CCDC68: variants seen among roughly 807,000 people sequenced by gnomAD.
CCDC68 encodes the protein coiled-coil domain-containing protein 68.
CCDC68 carries 45 observed loss-of-function variants against 47.1 expected under a neutral mutation model. The observed-to-expected ratio is 0.96, with a 90% CI of 0.75 to 1.23. CCDC68 has a LOEUF of 1.23. Ranked by LOEUF, CCDC68 falls within the 50% of genes most tolerant of loss-of-function variation. The pLI, the probability that CCDC68 is intolerant of heterozygous loss-of-function variation, is 0.00. For missense variants in CCDC68, 353 were observed against 373.6 expected (o/e 0.94, Z 0.45); for synonymous variants, 131 against 129.5 (o/e 1.01, Z -0.08).
chr18:54,945,125 A>G (rs1409984143), intron 2 of CCDC68, among the ~76,000 whole-genome samples: 1 of 152,202 alleles, frequency 6.6e-6, no homozygotes, highest in Non-Finnish European at 1.5e-5. Flanking sequence ...GAACTGCTTT[A>G]AAACTCAAAG....
intron 10 of CCDC68, among the ~76,000 whole-genome samples, chr18:54,913,188 T>C (rs575373915): frequency 1.3e-5 from 2 of 152,344 alleles, no homozygotes; most frequent in Admixed American, 6.5e-5. Flanking sequence ...TTGCAAAATG[T>C]AGTCAACATT....
rs2044277732 is a variant in CCDC68 at position 54,932,272 on chromosome 18, C to T, written c.600+2548G>A. Among the ~76,000 whole-genome samples, 5 of 151,650 alleles carry T rather than the reference C, an allele frequency of 3.3e-5. No individual in the cohort carries two copies. In the South Asian group the frequency reaches 8.3e-4, roughly 25 times the overall value. On this transcript the variant is annotated intron_variant, in intron 7 of 11. Coordinates refer to ENST00000591504, the MANE Select transcript of CCDC68 (RefSeq NM_025214.3). Reference sequence around the variant, plus strand: ...TCATCTCGGCTCACTGCAGCCTCCACCTCCCAGGTTCAAGTGATTCTCATG... The same window carrying T: ...TCATCTCGGCTCACTGCAGCCTCCATCTCCCAGGTTCAAGTGATTCTCATG...
rs1474990173 is a variant in CCDC68, at chr18:54,937,969, T to C, written c.333A>G (p.Val111=). Residue 111 remains valine (V), a synonymous_variant, in exon 5 of 12, where the codon GTA becomes GTG. Transcript: ENST00000591504. ...QLLEMNKENE[V]LKIKLQASRE... ...CTAAAAGTCATACCTTGATTTTCAA[T>C]ACTTCATTCTCTTTGTTCATTTCTA... The C allele has an allele frequency of 6.2e-7, 1 of 1,610,118 alleles. No homozygotes were observed. The highest frequency in any genetic ancestry group is 1.7e-5 in the Admixed American group (1 of 59,036).
rs2044588856 is a variant in CCDC68, at chr18:54,950,084, C to G, written c.-102-4607G>C. On this transcript the variant is annotated intron_variant, in intron 1 of 11. Transcript: ENST00000591504. ...ATCAATTCCGGTAGCTGCTCTATAT[C>G]CTCTCAGTAAATTCTTCTTCTACCA... 3.9e-5 allele frequency among the ~76,000 whole-genome samples: 6 copies of G among 152,172 alleles called. No individual in the cohort carries two copies. The South Asian group carries it at 1.2e-3, about 32-fold the overall frequency.
intron 1 of CCDC68, among the ~76,000 whole-genome samples, chr18:54,958,903 A>T (rs910345300): frequency 4.6e-5 from 7 of 152,160 alleles, no homozygotes; most frequent in Non-Finnish European, 1.0e-4. Context: ...TCTGCTCTTT[A>T]AAAAATGCGA....
intron 1 of CCDC68, among the ~76,000 whole-genome samples, chr18:54,953,877 A>G (rs147351583): frequency 1.0e-3 from 156 of 152,122 alleles, no homozygotes; most frequent in African/African-American, 3.7e-3. Context: ...TAGATGCACA[A>G]TATGTTTTCA....
At chr18:54,910,746 G>T (rs911324461) in intron 10 of CCDC68, among the ~76,000 whole-genome samples, 1 of 152,238 alleles carries the variant, frequency 6.6e-6, no homozygotes, top group Non-Finnish European at 1.5e-5. Context: ...GTCCAGAGGG[G>T]GTTGAGGCAG....
chr18:54,949,986 C>T (rs907779276), intron 1 of CCDC68, among the ~76,000 whole-genome samples: 3 of 152,186 alleles, frequency 2.0e-5, no homozygotes, highest in African/African-American at 7.2e-5. Context: ...CTCCTCATCT[C>T]ACAACCTGAT....
chr18:54,936,629 C>T (rs1384793743), intron 6 of CCDC68, among the ~76,000 whole-genome samples: 1 of 152,164 alleles, frequency 6.6e-6, no homozygotes, highest in African/African-American at 2.4e-5. Context: ...AACTGCAACA[C>T]AGCAGCTCAG....
chr18:54,934,614 TAAATCA>T (rs1440478545), intron 7 of CCDC68, among the ~76,000 whole-genome samples, 200 bp downstream of exon 7: 1 of 152,150 alleles, frequency 6.6e-6, no homozygotes, highest in Admixed American at 6.5e-5. Context: ...TGCAGAAAGG[TAAATCA>T]ATCACCACAG....
chr18:54,947,564 G>T (rs997594321), intron 1 of CCDC68, among the ~76,000 whole-genome samples: 2 of 152,184 alleles, frequency 1.3e-5, no homozygotes, highest in African/African-American at 4.8e-5. Flanking sequence ...TTCCTTAACA[G>T]TAAAATGAAA....
intron 4 of CCDC68, among the ~76,000 whole-genome samples, chr18:54,939,296 C>T (rs1599077192): frequency 6.6e-6 from 1 of 150,832 alleles, no homozygotes; most frequent in Non-Finnish European, 1.5e-5. Context: ...AAAAAAAAAA[C>T]TCTTGAAGAA....
At chr18:54,938,409 T>C (rs533295544) in intron 4 of CCDC68, among the ~76,000 whole-genome samples, 1 of 152,342 alleles carries the variant, frequency 6.6e-6, no homozygotes, top group African/African-American at 2.4e-5. Context: ...GACATTTTTT[T>C]AAAAATCTAA....
chr18:54,910,471 G>A (rs1914292415), intron 10 of CCDC68, among the ~76,000 whole-genome samples: 1 of 152,328 alleles, frequency 6.6e-6, no homozygotes, highest in African/African-American at 2.4e-5. Flanking sequence ...TTGCTCCATG[G>A]GCAGCCATGA....
chr18:54,935,330 G>C (rs2044326179), intron 6 of CCDC68, among the ~76,000 whole-genome samples: 1 of 152,168 alleles, frequency 6.6e-6, no homozygotes, highest in Non-Finnish European at 1.5e-5. Flanking sequence ...TAATTAGAAA[G>C]TGTCATAAAA....
chr18:54,925,004 A>G (rs2044122322), intron 8 of CCDC68, among the ~76,000 whole-genome samples: 2 of 152,328 alleles, frequency 1.3e-5, no homozygotes, highest in South Asian at 4.1e-4. Flanking sequence ...AACATTATTC[A>G]GGGTTCTTTT....
intron 5 of CCDC68, chr18:54,937,204 T>C (rs6566978): frequency 0.39 from 181,335 of 459,128 alleles, 36,742 homozygotes; most frequent in East Asian, 0.59. Flanking sequence ...GCTCTGTGCA[T>C]AGTAACGTCC....
At chr18:54,904,882 T>C (rs545497458) in intron 11 of CCDC68, among the ~76,000 whole-genome samples, 27 of 152,286 alleles carry the variant, frequency 1.8e-4, no homozygotes, top group African/African-American at 6.3e-4. Flanking sequence ...CACAGACATA[T>C]GTATGCATGC....
chr18:54,904,466 G>C, intron 11 of CCDC68, 51 bp from the exon 12 acceptor site: 1 of 1,422,590 alleles, frequency 7.0e-7, no homozygotes, highest in Non-Finnish European at 9.9e-7. Context: ...AAACTCTAGT[G>C]ATTATGGCTA....
Sources: allele counts gnomAD v4.1 joint callset (sites outside exome capture counted in the v4.1 genomes callset), GRCh38; gene constraint gnomAD v4.1.1; transcripts MANE v1.5; gene names NCBI Gene and HGNC (gene_info 2026-07-23, HGNC 2026-07-21).